ACSL4: variants seen among roughly 807,000 people sequenced by gnomAD.
The protein encoded by ACSL4 is acyl-CoA synthetase long chain family member 4, also known as long-chain-fatty-acid--CoA ligase 4.
A neutral mutation model predicts 49.1 loss-of-function variants in ACSL4; 9 were observed. That is an observed-to-expected ratio of 0.18 (90% CI 0.11 to 0.32). ACSL4 has a LOEUF of 0.32. ACSL4 is among the 10% of genes least tolerant of loss of function. The probability of loss-of-function intolerance (pLI) is 1.00; values close to 1 mark genes in which losing one functional copy is unlikely to be tolerated. For synonymous variants in ACSL4, 191 were observed against 170.3 expected, an observed-to-expected ratio of 1.12 and a Z score of -0.95; for missense variants, 333 against 493.7, an observed-to-expected ratio of 0.67 and a Z score of 3.08.
At chrX:109,649,679 A>G (rs1348630353) in intron 15 of ACSL4, among the ~76,000 whole-genome samples, 1 of 111,251 alleles carries the variant, frequency 9.0e-6, no homozygotes, top group Non-Finnish European at 1.9e-5. Flanking sequence ...GACAAATGGG[A>G]ACTAATTAAA....
intron 1 of ACSL4, among the ~76,000 whole-genome samples, chrX:109,721,647 G>A (rs948793459): frequency 1.8e-5 from 2 of 109,820 alleles, no homozygotes; most frequent in Non-Finnish European, 3.8e-5. Flanking sequence ...CAGGAGAATC[G>A]CTTGAACCTG....
chrX:109,655,561 G>A (rs1921568376), intron 15 of ACSL4, among the ~76,000 whole-genome samples: 1 of 111,058 alleles, frequency 9.0e-6, no homozygotes, highest in Non-Finnish European at 1.9e-5. Flanking sequence ...CTCAGAAACA[G>A]ACACACAGGG....
rs750845761 is a variant in ACSL4, at chrX:109,659,394, T to C, written c.1815A>G (p.Glu605=). The C allele has an allele frequency of 8.3e-7, 1 of 1,210,026 alleles. No homozygotes were observed. Among genetic ancestry groups the C allele is most frequent in the South Asian group, 1.8e-5 (1 of 56,934 alleles). Residue 605 remains glutamate (E), a synonymous_variant, in exon 15 of 16, where the codon GAA becomes GAG. Transcript: ENST00000672401. ...CTCGAATTTCTTTCAGTATTTCAGCTTCCATAGCAGGATTATTGCAGATAT... is the reference window on the plus strand; with the variant it reads ...CTCGAATTTCTTTCAGTATTTCAGCCTCCATAGCAGGATTATTGCAGATAT... ...WVDICNNPAM[E]AEILKEIREA...
intron 1 of ACSL4, among the ~76,000 whole-genome samples, chrX:109,725,518 T>G (rs1927908048): frequency 9.0e-6 from 1 of 111,218 alleles, no homozygotes; most frequent in Admixed American, 9.6e-5. Context: ...ACCCCAGCAC[T>G]CTGGGAGGCC....
chrX:109,669,059 C>T lies in ACSL4; in HGVS notation c.1117G>A (p.Gly373Arg), dbSNP rs750557962. The change falls in exon 10 of 16, where the codon GGA becomes AGA. Residue 373 changes from glycine to arginine, a missense_variant. Gly to Arg is a moderately radical substitution (Grantham distance 125). Around this residue, in one of 3 missense-constraint regions of ACSL4, gnomAD observed 175 missense variants for 275.8 expected, o/e 0.63. Coordinates refer to ENST00000672401, the MANE Select transcript of ACSL4 (RefSeq NM_001318510.2). The stretch of plus-strand genomic sequence containing the variant: ...AGATTGCAAAGAGGTGCATCATATC[C>T]CTTTTTGATCTGTTCCAATTTGTAA... ...YDYKLEQIKK[G>R]YDAPLCNLLL... 2 of 1,201,887 alleles carry T rather than the reference C, an allele frequency of 1.7e-6. No homozygotes were observed. The highest frequency in any genetic ancestry group is 4.4e-5 in the Admixed American group (2 of 45,871).
At chrX:109,682,616 A>G in intron 4 of ACSL4, 103 bp downstream of exon 4, 1 of 956,042 alleles carries the variant, frequency 1.0e-6, no homozygotes, top group Non-Finnish European at 1.5e-6. Context: ...AATGTGTAAA[A>G]TGGCTAAACA....
At chrX:109,686,052 G>C (rs1450528897) in intron 2 of ACSL4, among the ~76,000 whole-genome samples, 1 of 111,536 alleles carries the variant, frequency 9.0e-6, no homozygotes, top group Non-Finnish European at 1.9e-5. Context: ...ATTTCTTCAA[G>C]ATAAGGTATG....
At chrX:109,682,580 T>C in intron 4 of ACSL4, 139 bp downstream of exon 4, 1 of 698,316 alleles carries the variant, frequency 1.4e-6, no homozygotes, top group Non-Finnish European at 2.3e-6. Context: ...AGCCACAATA[T>C]TACATGCCGT....
intron 1 of ACSL4, among the ~76,000 whole-genome samples, chrX:109,729,335 G>C (rs1466336313): frequency 2.7e-5 from 3 of 112,118 alleles, no homozygotes; most frequent in African/African-American, 9.7e-5. Flanking sequence ...TAAACACATG[G>C]AAAAATGATC....
In ACSL4 at chrX:109,643,314, T is replaced by C. The variant is rs1458617113; in HGVS notation, c.*715A>G. The C allele has an allele frequency of 8.9e-6, 1 of 111,998 alleles. No homozygotes were observed. Among genetic ancestry groups the C allele is most frequent in the African/African-American group, 3.2e-5 (1 of 30,824 alleles). 9.2% of individuals were successfully genotyped at this position (111,998 alleles called of 1,213,427 possible). A position where few individuals can be genotyped will look rare whatever the true frequency, so the allele number is the denominator to read the frequency against. On this transcript the variant is annotated 3_prime_UTR_variant, in exon 16 of 16. Transcript: ENST00000672401. Reference sequence around the variant, plus strand: ...CTTTCCTCTTAGTCATTCAAATAATTACAGTTATTTTTAGATCTCAAAGTT... The same window carrying C: ...CTTTCCTCTTAGTCATTCAAATAATCACAGTTATTTTTAGATCTCAAAGTT...
intron 1 of ACSL4, among the ~76,000 whole-genome samples, chrX:109,698,691 C>T (rs897947571): frequency 9.0e-6 from 1 of 111,367 alleles, no homozygotes; most frequent in African/African-American, 3.3e-5. Context: ...GAAGGCAGCA[C>T]TGAGAAAGCC....
intron 2 of ACSL4, chrX:109,695,529 C>T (rs113140294): frequency 0.024 from 2,623 of 109,397 alleles, 40 homozygotes; most frequent in Middle Eastern, 0.052. Context: ...CCAGCCTGGG[C>T]AACATGATGA....
Position 109,643,872 on chromosome X carries a change from G to A in ACSL4, c.*157C>T, listed in dbSNP as rs1477380070. The A allele has an allele frequency of 1.8e-5, 11 of 619,519 alleles. No homozygotes were observed. Among genetic ancestry groups the A allele is most frequent in the African/African-American group, 9.0e-5 (4 of 44,655 alleles). 51.1% of individuals were successfully genotyped at this position (619,519 alleles called of 1,213,427 possible). A position where few individuals can be genotyped will look rare whatever the true frequency, so the allele number is the denominator to read the frequency against. On this transcript the variant is annotated 3_prime_UTR_variant, in exon 16 of 16. Transcript: ENST00000672401. ...ATGCAAAACTAAGTTAAAGTAAACC[G>A]GACAACAATTTTAATAACTTTTGGT...
At chrX:109,677,599 C>T (rs1243004164) in intron 8 of ACSL4, among the ~76,000 whole-genome samples, 2 of 108,903 alleles carry the variant, frequency 1.8e-5, no homozygotes, top group East Asian at 5.8e-4. Flanking sequence ...GCCAACATGG[C>T]GAAACCCCAT....
intron 1 of ACSL4, among the ~76,000 whole-genome samples, chrX:109,696,657 C>T (rs1389882684): frequency 8.9e-6 from 1 of 112,629 alleles, no homozygotes; most frequent in Non-Finnish European, 1.9e-5. Flanking sequence ...TTCCCAAATA[C>T]AAATATGACA....
intron 1 of ACSL4, among the ~76,000 whole-genome samples, chrX:109,724,414 ACAGTTGTGCAT>A (rs1401778530): frequency 9.0e-6 from 1 of 111,290 alleles, no homozygotes; most frequent in East Asian, 2.8e-4. Flanking sequence ...ATCTGGGACT[ACAGTTGTGCAT>A]CACCATGCCT....
chrX:109,712,248 G>A (rs902030730), intron 1 of ACSL4, among the ~76,000 whole-genome samples: 6 of 111,402 alleles, frequency 5.4e-5, no homozygotes, highest in African/African-American at 9.8e-5. Context: ...ACAGGCACTC[G>A]CCATCATGCC....
intron 1 of ACSL4, among the ~76,000 whole-genome samples, chrX:109,731,572 T>C (rs1928447799): frequency 9.7e-6 from 1 of 102,941 alleles, no homozygotes; most frequent in Non-Finnish European, 2.0e-5. Context: ...AAATAGGGGG[T>C]TTTCCAAAAA....
intron 6 of ACSL4, among the ~76,000 whole-genome samples, 197 bp from the exon 7 acceptor site, chrX:109,678,612 T>C (rs1186519809): frequency 8.9e-6 from 1 of 112,184 alleles, no homozygotes; most frequent in African/African-American, 3.2e-5. Flanking sequence ...GGAGGATCAC[T>C]TGAGCCCTGG....
Sources: gnomAD v4.1 joint callset for allele counts (sites outside exome capture counted in the v4.1 genomes callset) on GRCh38, gnomAD v4.1.1 for gene constraint, gnomAD v4.1.1 regional missense constraint, MANE v1.5 for transcripts, NCBI Gene and HGNC (gene_info 2026-07-23, HGNC 2026-07-21) for gene names.